ESR1: variants seen among roughly 807,000 people sequenced by gnomAD.
ESR1 encodes the protein estrogen receptor 1.
Under a neutral mutation model 52.7 loss-of-function variants are expected in ESR1, and 12 were observed. The ratio of observed to expected loss-of-function variants is 0.23; its 90% CI spans 0.15 to 0.37. ESR1 has a LOEUF of 0.37. Ranked by LOEUF, ESR1 falls within the 10% of genes least tolerant of loss-of-function variation. ESR1 has a pLI of 1.00. For synonymous variants in ESR1, 305 were observed against 316.8 expected (o/e 0.96, Z 0.39); for missense variants, 584 against 779.7 (o/e 0.75, Z 2.99).
Position 152,059,881 on chromosome 6 carries a change from T to G in ESR1, c.1236-1110T>G, listed in dbSNP as rs181040720. Among the ~76,000 whole-genome samples, 318 of 152,218 alleles carry G rather than the reference T, an allele frequency of 2.1e-3. 2 individuals are homozygous for G. The highest frequency in any genetic ancestry group is 7.3e-3 in the African/African-American group (303 of 41,552). ...TCAGTTCAGTGAAGACATATTGAGCTGTCAAAAAAAGTTGATGGAGAACTC... is the reference window on the plus strand; with the variant it reads ...TCAGTTCAGTGAAGACATATTGAGCGGTCAAAAAAAGTTGATGGAGAACTC... On this transcript the variant is annotated intron_variant, in intron 5 of 7. Transcript: ENST00000206249.
chr6:151,759,304 A>C (rs1038447263), intron 2 of ESR1, among the ~76,000 whole-genome samples: 1 of 151,754 alleles, frequency 6.6e-6, no homozygotes, highest in Non-Finnish European at 1.5e-5. Context: ...ACCAAACATA[A>C]AACCAGAATA....
intron 6 of ESR1, among the ~76,000 whole-genome samples, chr6:152,081,813 A>C (rs2049246565): frequency 6.6e-6 from 1 of 152,192 alleles, no homozygotes; most frequent in African/African-American, 2.4e-5. Context: ...ATCCCACAGA[A>C]ATACAAACTA....
rs2050962594 is a variant in ESR1, at chr6:152,101,466, G to A, written c.*2500G>A. ...GAAGGTTTTACATTATTCATCCAAT[G>A]TGTTTCTATTCATGTTAAGATACTA... On this transcript the variant is annotated 3_prime_UTR_variant, in exon 8 of 8. Transcript: ENST00000206249. The A allele has an allele frequency of 4.3e-6, 1 of 232,642 alleles. No homozygotes were observed. Among genetic ancestry groups the A allele is most frequent in the Admixed American group, 5.6e-5 (1 of 17,772 alleles). The allele number at this position is 232,642 out of a possible 1,614,324, so 14.4% of individuals were successfully genotyped here.
intron 4 of ESR1, among the ~76,000 whole-genome samples, chr6:151,947,710 A>G (rs1284688018): frequency 2.0e-5 from 3 of 152,208 alleles, no homozygotes; most frequent in Non-Finnish European, 4.4e-5. Flanking sequence ...GATAGAATGC[A>G]TCATACAAGT....
intron 2 of ESR1, among the ~76,000 whole-genome samples, chr6:151,762,004 T>C (rs1224674117): frequency 6.6e-6 from 1 of 152,218 alleles, no homozygotes; most frequent in Non-Finnish European, 1.5e-5. Flanking sequence ...TGCTTTTTTA[T>C]CTTGAGTGCA....
chr6:152,110,579 T>G (rs1377773974), intron 6 of ESR1, among the ~76,000 whole-genome samples: 1 of 152,052 alleles, frequency 6.6e-6, no homozygotes, highest in Non-Finnish European at 1.5e-5. Context: ...GAATGGGTAC[T>G]AGACTTAATA....
At chr6:152,126,016 AT>A (rs1474137660) in exon 7 of ESR1, 4 of 152,320 alleles carry the variant, frequency 2.6e-5, no homozygotes, top group Admixed American at 6.5e-5. Flanking sequence ...CATTTACAGA[AT>A]GTGGACTCCT....
chr6:151,896,609 A>G (rs1342906771), intron 3 of ESR1, among the ~76,000 whole-genome samples: 1 of 149,810 alleles, frequency 6.7e-6, no homozygotes. Flanking sequence ...TGGTCTATCA[A>G]TTTCATTTAT....
intron 6 of ESR1, among the ~76,000 whole-genome samples, chr6:152,092,602 A>G (rs1217214167): frequency 2.6e-5 from 4 of 152,222 alleles, no homozygotes; most frequent in African/African-American, 4.8e-5. Flanking sequence ...TGAGATGGTC[A>G]GTGGGCTGAA....
At chr6:151,752,657 C>T (rs980103003) in intron 2 of ESR1, among the ~76,000 whole-genome samples, 19 of 152,070 alleles carry the variant, frequency 1.2e-4, no homozygotes, top group African/African-American at 4.3e-4. Context: ...AAGGACTACA[C>T]TATAGAATTA....
At chr6:152,030,644 C>T (rs1030653336) in intron 5 of ESR1, among the ~76,000 whole-genome samples, 4 of 152,274 alleles carry the variant, frequency 2.6e-5, no homozygotes, top group Admixed American at 2.6e-4. Flanking sequence ...AAAGCAAGTC[C>T]TTAGTGACCT....
intron 1 of ESR1, among the ~76,000 whole-genome samples, chr6:151,669,505 G>A (rs1310195971): frequency 6.6e-6 from 1 of 152,176 alleles, no homozygotes; most frequent in Non-Finnish European, 1.5e-5. Flanking sequence ...CACAACCTGG[G>A]GAGGTGGGGT....
exon 7 of ESR1, chr6:152,126,206 C>T (rs1390918418): frequency 1.3e-5 from 2 of 152,200 alleles, no homozygotes; most frequent in Non-Finnish European, 2.9e-5. Flanking sequence ...GCTGGCTGCC[C>T]TTGAAAATAT....
chr6:151,978,839 A>G (rs533193187), intron 4 of ESR1, among the ~76,000 whole-genome samples: 1 of 152,334 alleles, frequency 6.6e-6, no homozygotes, highest in African/African-American at 2.4e-5. Context: ...AATATCACTA[A>G]AGAAACTGTT....
At chr6:151,739,362 A>G (rs1782908685) in intron 2 of ESR1, among the ~76,000 whole-genome samples, 1 of 152,224 alleles carries the variant, frequency 6.6e-6, no homozygotes, top group African/African-American at 2.4e-5. Context: ...TCAGTCAATC[A>G]GATTTATATC....
At chr6:151,926,285 T>G (rs1177796160) in intron 3 of ESR1, among the ~76,000 whole-genome samples, 1 of 152,200 alleles carries the variant, frequency 6.6e-6, no homozygotes, top group East Asian at 1.9e-4. Context: ...CTCCACCTTC[T>G]TCAGAATTTT....
chr6:151,711,929 G>T (rs1220055418), intron 2 of ESR1, among the ~76,000 whole-genome samples: 1 of 152,122 alleles, frequency 6.6e-6, no homozygotes, highest in Non-Finnish European at 1.5e-5. Context: ...GTCCATGCCT[G>T]TGTCCTAAAT....
intron 1 of ESR1, among the ~76,000 whole-genome samples, chr6:151,695,574 A>G (rs902268400): frequency 3.3e-5 from 5 of 152,216 alleles, no homozygotes; most frequent in African/African-American, 7.2e-5. Flanking sequence ...GAAGCCATCA[A>G]GGTCCTTTTG....
chr6:152,074,514 G>T (rs914093544), intron 6 of ESR1, among the ~76,000 whole-genome samples: 1 of 152,170 alleles, frequency 6.6e-6, no homozygotes, highest in Non-Finnish European at 1.5e-5. Flanking sequence ...TGTGTTGGTT[G>T]CATCCAAGTT....
Sources: allele counts gnomAD v4.1 joint callset (sites outside exome capture counted in the v4.1 genomes callset), GRCh38; gene constraint gnomAD v4.1.1; transcripts MANE v1.5; gene names NCBI Gene and HGNC (gene_info 2026-07-23, HGNC 2026-07-21).